CREB1: variants seen among roughly 807,000 people sequenced by gnomAD.
CREB1 encodes cAMP responsive element binding protein 1.
In CREB1, 2 loss-of-function variants were observed where a neutral mutation model predicts 42.0. The ratio of observed to expected loss-of-function variants is 0.05; its 90% CI spans 0.02 to 0.15. CREB1 has a LOEUF of 0.15. Ranked by LOEUF, CREB1 falls within the 10% of genes least tolerant of loss-of-function variation. CREB1 has a pLI of 1.00. For missense variants in CREB1, 199 were observed against 388.9 expected, an observed-to-expected ratio of 0.51 and a Z score of 4.11; for synonymous variants, 123 against 139.9, an observed-to-expected ratio of 0.88 and a Z score of 0.85.
At chr2:207,550,128 C>A (rs1219602361) in intron 1 of CREB1, 1 of 152,088 alleles carries the variant, frequency 6.6e-6, no homozygotes, top group Non-Finnish European at 1.5e-5. Flanking sequence ...GTTAACATAT[C>A]TGACTGTGAC....
intron 1 of CREB1, among the ~76,000 whole-genome samples, chr2:207,533,681 G>A (rs1438421962): frequency 6.6e-6 from 1 of 152,102 alleles, no homozygotes; most frequent in Non-Finnish European, 1.5e-5. Flanking sequence ...AATGTAATGA[G>A]ATGTCAAGAT....
At chr2:207,595,139 G>A (rs1416591378) in intron 7 of CREB1, among the ~76,000 whole-genome samples, 3 of 151,598 alleles carry the variant, frequency 2.0e-5, no homozygotes, top group African/African-American at 7.3e-5. Context: ...GGGACTACAG[G>A]CACCCACCAC....
At chr2:207,595,743 T>A (rs931947521) in intron 7 of CREB1, among the ~76,000 whole-genome samples, 13 of 151,604 alleles carry the variant, frequency 8.6e-5, no homozygotes, top group Admixed American at 1.3e-4. Context: ...TTTTTAAAAA[T>A]TTTTTTTTAG....
chr2:207,605,442 C>T lies in CREB1; in HGVS notation c.*8384C>T, dbSNP rs552985981. The stretch of plus-strand genomic sequence containing the variant: ...TTCCTTATATATTCTGGGTACTAGG[C>T]CCTTATAATATTTTCGCCTATAAGT... On this transcript the variant is annotated 3_prime_UTR_variant, in exon 8 of 8. Transcript: ENST00000353267. Among the ~76,000 whole-genome samples, 13 of 152,166 alleles carry T rather than the reference C, an allele frequency of 8.5e-5. 1 individual carries two copies. The East Asian group carries it at 9.7e-4, about 11-fold the overall frequency.
At chr2:207,583,270 A>AGG (rs2083263592) in intron 7 of CREB1, among the ~76,000 whole-genome samples, 3 of 152,162 alleles carry the variant, frequency 2.0e-5, no homozygotes, top group African/African-American at 4.8e-5. Context: ...ACAGATACTG[A>AGG]GGGACAACTA....
chr2:207,576,968 T>C (rs1178806301), intron 6 of CREB1: 73 of 881,024 alleles, frequency 8.3e-5, no homozygotes, highest in East Asian at 1.1e-4. Context: ...TCAAATAATA[T>C]AATTGGCATC....
intron 7 of CREB1, among the ~76,000 whole-genome samples, chr2:207,580,121 G>T (rs980921418): frequency 6.6e-6 from 1 of 152,186 alleles, no homozygotes; most frequent in Non-Finnish European, 1.5e-5. Context: ...TGAGGTAGAA[G>T]CTTATCCCCA....
chr2:207,589,717 G>A (rs977673415), intron 7 of CREB1, among the ~76,000 whole-genome samples: 13 of 152,068 alleles, frequency 8.5e-5, no homozygotes, highest in Admixed American at 2.0e-4. Flanking sequence ...TGAGGTGATC[G>A]TGTTGTTTCT....
chr2:207,543,161 T>C (rs532272935), intron 1 of CREB1, among the ~76,000 whole-genome samples: 18 of 152,156 alleles, frequency 1.2e-4, no homozygotes, highest in African/African-American at 4.3e-4. Flanking sequence ...TTGACTCTTA[T>C]GGGTTCAGCA....
At chr2:207,563,735 G>A (rs1325290962) in intron 3 of CREB1, among the ~76,000 whole-genome samples, 1 of 152,150 alleles carries the variant, frequency 6.6e-6, no homozygotes, top group Non-Finnish European at 1.5e-5. Flanking sequence ...CTTGAGCTCA[G>A]GAGTTCGAGA....
chr2:207,605,705 C>T lies in CREB1; in HGVS notation c.*8647C>T, dbSNP rs185635288. On this transcript the variant is annotated 3_prime_UTR_variant, in exon 8 of 8. Coordinates refer to ENST00000353267, the MANE Select transcript of CREB1 (RefSeq NM_004379.5). ...ATAAACTGCTGCCATTGTACAGATA[C>T]AGTTTAACCAGTCCTCTTCTGGGGA... 3.9e-5 allele frequency among the ~76,000 whole-genome samples: 6 copies of T among 152,258 alleles called. No homozygotes were observed. The East Asian group carries it at 5.8e-4, about 15-fold the overall frequency.
intron 6 of CREB1, 26 bp from the exon 7 acceptor site, chr2:207,577,479 T>C: frequency 6.2e-7 from 1 of 1,612,562 alleles, no homozygotes; most frequent in Admixed American, 1.7e-5. Context: ...GTTTCTGTCT[T>C]ACACCATGCT....
rs1429742295 is a variant in CREB1, at chr2:207,604,392, C to G, written c.*7334C>G. On this transcript the variant is annotated 3_prime_UTR_variant, in exon 8 of 8. Coordinates refer to ENST00000353267, the MANE Select transcript of CREB1 (RefSeq NM_004379.5). ...GGTTTTTCCATCTCGTAAGTGGTGCCACTATCCATCTGTTAAATTGTTTAG... is the reference window on the plus strand; with the variant it reads ...GGTTTTTCCATCTCGTAAGTGGTGCGACTATCCATCTGTTAAATTGTTTAG... Among the ~76,000 whole-genome samples, 1 of 152,178 alleles carries G rather than the reference C, an allele frequency of 6.6e-6. No individual in the cohort carries two copies. The highest frequency in any genetic ancestry group is 2.1e-4 in the South Asian group (1 of 4,826).
chr2:207,572,044 G>A (rs1314376040), intron 5 of CREB1, among the ~76,000 whole-genome samples: 2 of 151,998 alleles, frequency 1.3e-5, no homozygotes, highest in East Asian at 1.9e-4. Flanking sequence ...TGCCCAACAT[G>A]GTGAAACCCT....
chr2:207,546,495 G>C (rs1034055022), intron 1 of CREB1, among the ~76,000 whole-genome samples: 2 of 152,204 alleles, frequency 1.3e-5, no homozygotes, highest in African/African-American at 4.8e-5. Flanking sequence ...GAGAGGCTGA[G>C]GTGGGCGGAT....
Position 207,605,976 on chromosome 2 carries a change from G to A in CREB1, c.*8918G>A, listed in dbSNP as rs2088025747. On this transcript the variant is annotated 3_prime_UTR_variant, in exon 8 of 8. Transcript: ENST00000353267. ...GCATTTTTTTCTGGAATTAAAATTAGAAGTGGCACAGACTTTCATAAGGCT... is the reference window on the plus strand; with the variant it reads ...GCATTTTTTTCTGGAATTAAAATTAAAAGTGGCACAGACTTTCATAAGGCT... 5.3e-5 allele frequency among the ~76,000 whole-genome samples: 8 copies of A among 152,144 alleles called. No homozygotes were observed. The South Asian group carries it at 1.7e-3, about 31-fold the overall frequency.
intron 7 of CREB1, among the ~76,000 whole-genome samples, chr2:207,587,493 A>G (rs2084096382): frequency 6.6e-6 from 1 of 152,206 alleles, no homozygotes; most frequent in Non-Finnish European, 1.5e-5. Flanking sequence ...AAAGAAAGGA[A>G]ACCAGTATTG....
At chr2:207,548,906 A>G (rs1048775138) in intron 1 of CREB1, among the ~76,000 whole-genome samples, 9 of 152,244 alleles carry the variant, frequency 5.9e-5, no homozygotes, top group East Asian at 3.8e-4. Flanking sequence ...TTTTTGTCAT[A>G]TAAGTAATTT....
At chr2:207,576,241 C>CT (rs35735523) in intron 6 of CREB1, among the ~76,000 whole-genome samples, 2,209 of 101,056 alleles carry the variant, frequency 0.022, 72 homozygotes, top group African/African-American at 0.079. Context: ...CTTTTTTTGG[C>CT]TTTTTTTTTT....
Sources: allele counts gnomAD v4.1 joint callset (sites outside exome capture counted in the v4.1 genomes callset), GRCh38; gene constraint gnomAD v4.1.1; transcripts MANE v1.5; gene names NCBI Gene and HGNC (gene_info 2026-07-23, HGNC 2026-07-21).